NTM: variants seen among roughly 807,000 people sequenced by gnomAD.
NTM encodes the protein IgLON family member 2.
A neutral mutation model predicts 42.1 loss-of-function variants in NTM; 13 were observed. The observed-to-expected ratio is 0.31, with a 90% confidence interval of 0.20 to 0.49. The LOEUF is 0.49. Among genes scored for constraint, NTM ranks in the 20% least tolerant of loss-of-function variants. NTM has a pLI of 0.99. For missense variants in NTM, 373 were observed against 452.8 expected, an observed-to-expected ratio of 0.82 and a Z score of 1.60; for synonymous variants, 187 against 179.2, an observed-to-expected ratio of 1.04 and a Z score of -0.35.
At chr11:131,424,600 C>CTTTCTTTTTTTTTTTTTTTTT (rs1947878678) in intron 1 of NTM, among the ~76,000 whole-genome samples, 2 of 56,052 alleles carry the variant, frequency 3.6e-5, no homozygotes, top group African/African-American at 1.5e-4. Flanking sequence ...CTTTTCTTTT[C>CTTTCTTTTTTTTTTTTTTTTT]TTTTTTTTTT....
chr11:131,394,384 C>G (rs1166575094), intron 1 of NTM, among the ~76,000 whole-genome samples: 2 of 152,162 alleles, frequency 1.3e-5, no homozygotes, highest in East Asian at 3.9e-4. Context: ...TTTTGCCTGT[C>G]TAGGCCCCCT....
intron 4 of NTM, among the ~76,000 whole-genome samples, chr11:132,298,802 A>G (rs897081853): frequency 3.3e-5 from 5 of 152,220 alleles, no homozygotes; most frequent in Admixed American, 6.5e-5. Context: ...ATATACACAT[A>G]TTCAGTTCCA....
Position 132,335,090 on chromosome 11 carries a change from G to T in NTM, c.1012G>T (p.Ala338Ser), listed in dbSNP as rs1361407592. Residue 338 changes from alanine (A) to serine (S), a missense_variant, in exon 9 of 9, where the codon GCA becomes TCA. Transcript: ENST00000683400. ...SEVSNGTSRR[A>S]GCVWLLPLLV... ...GGTGAGCAACGGCACGTCGAGGAGG[G>T]CAGGCTGCGTCTGGCTGCTGCCTCT... is the stretch of plus-strand genomic sequence containing the variant. 6.2e-7 allele frequency: 1 copy of T among 1,612,554 alleles called. No homozygotes were observed. Among genetic ancestry groups the T allele is most frequent in the Non-Finnish European group, 8.5e-7 (1 of 1,179,980 alleles).
chr11:131,377,577 A>T (rs566899873), intron 1 of NTM, among the ~76,000 whole-genome samples: 1 of 152,210 alleles, frequency 6.6e-6, no homozygotes, highest in African/African-American at 2.4e-5. Flanking sequence ...TTGCTATCCA[A>T]TCATCACATC....
At position 131,653,221 on chromosome 11, in the gene NTM, G is replaced by T. The variant is rs148647679; in HGVS notation, c.83-258343G>T. ...CTTTCTTAGGGACCTTTTTTTTGAG[G>T]TTATCTTTTTTTTTTCTTCCTTTGT... is the stretch of plus-strand genomic sequence containing the variant. On this transcript the variant is annotated intron_variant, in intron 1 of 8. Transcript: ENST00000683400. Among the ~76,000 whole-genome samples, 1,064 of 151,832 alleles carry T rather than the reference G, an allele frequency of 7.0e-3. 7 individuals are homozygous for T. The highest frequency in any genetic ancestry group is 0.012 in the Non-Finnish European group (808 of 67,974).
intron 3 of NTM, among the ~76,000 whole-genome samples, chr11:132,178,456 A>G (rs2077123344): frequency 6.6e-6 from 1 of 152,222 alleles, no homozygotes; most frequent in Non-Finnish European, 1.5e-5. Context: ...GGTTTCCATA[A>G]GAGGTATTCT....
At chr11:132,162,779 A>G (rs1365011450) in intron 3 of NTM, among the ~76,000 whole-genome samples, 4 of 42,032 alleles carry the variant, frequency 9.5e-5, no homozygotes, top group African/African-American at 3.6e-4. Flanking sequence ...TGTTTGTGGG[A>G]CCTGTGTGTG....
chr11:131,797,190 G>A (rs2091657749), intron 1 of NTM, among the ~76,000 whole-genome samples: 1 of 152,180 alleles, frequency 6.6e-6, no homozygotes, highest in Non-Finnish European at 1.5e-5. Context: ...AGTGAGGTAT[G>A]TTTTTCGTTG....
chr11:131,829,127 A>G lies in NTM; in HGVS notation c.83-82437A>G, dbSNP rs185810033. Reference sequence around the variant, plus strand: ...CAGTAATGAGAACTTCCAGAGCATCAATTCTCCCTATCATTTCAGAGAAAA... The same window carrying G: ...CAGTAATGAGAACTTCCAGAGCATCGATTCTCCCTATCATTTCAGAGAAAA... On this transcript the variant is annotated intron_variant, in intron 1 of 8. Transcript: ENST00000683400. Among the ~76,000 whole-genome samples the G allele has an allele frequency of 9.0e-4, 136 of 151,940 alleles. 1 individual carries two copies. The highest frequency in any genetic ancestry group is 3.0e-3 in the African/African-American group (123 of 41,392).
chr11:132,204,184 G>A (rs941024413), intron 3 of NTM, among the ~76,000 whole-genome samples: 2 of 152,066 alleles, frequency 1.3e-5, no homozygotes, highest in Non-Finnish European at 2.9e-5. Flanking sequence ...ATAAAATAAA[G>A]GTAATATAGC....
chr11:131,646,101 G>T (rs2065741615), intron 1 of NTM, among the ~76,000 whole-genome samples: 1 of 152,224 alleles, frequency 6.6e-6, no homozygotes, highest in African/African-American at 2.4e-5. Context: ...GGCTTCAAGG[G>T]CAAATACGCA....
At chr11:132,072,060 A>C (rs1280667390) in intron 2 of NTM, among the ~76,000 whole-genome samples, 5 of 152,120 alleles carry the variant, frequency 3.3e-5, no homozygotes, top group African/African-American at 4.8e-5. Flanking sequence ...GTTTCCTACT[A>C]ATAAATCATG....
intron 2 of NTM, among the ~76,000 whole-genome samples, chr11:132,000,015 C>T (rs1362049098): frequency 6.6e-6 from 1 of 152,004 alleles, no homozygotes; most frequent in Non-Finnish European, 1.5e-5. Flanking sequence ...TCCACCTAGC[C>T]TAATCAAATC....
chr11:132,256,238 G>A (rs1292879131), intron 4 of NTM, among the ~76,000 whole-genome samples: 1 of 152,102 alleles, frequency 6.6e-6, no homozygotes, highest in Non-Finnish European at 1.5e-5. Context: ...ATCCCAGTGT[G>A]GTCCTCCCAC....
intron 2 of NTM, among the ~76,000 whole-genome samples, chr11:132,124,245 T>C (rs2065301836): frequency 6.6e-6 from 1 of 152,108 alleles, no homozygotes; most frequent in Non-Finnish European, 1.5e-5. Flanking sequence ...TCCCGGTGTC[T>C]CCTGTCTCCA....
chr11:131,867,449 ATGTGTGTGTG>A, intron 1 of NTM, among the ~76,000 whole-genome samples: 1 of 150,944 alleles, frequency 6.6e-6, no homozygotes, highest in Admixed American at 6.6e-5. Flanking sequence ...CCATATGTGT[ATGTGTGTGTG>A]TGTCTGTGTG....
intron 1 of NTM, among the ~76,000 whole-genome samples, chr11:131,586,323 A>G (rs1246169658): frequency 3.9e-5 from 6 of 152,158 alleles, no homozygotes; most frequent in Non-Finnish European, 4.4e-5. Flanking sequence ...TGCTTATTCT[A>G]TTATTCTTAC....
intron 1 of NTM, among the ~76,000 whole-genome samples, chr11:131,891,664 T>G (rs1371939332): frequency 2.0e-5 from 3 of 152,152 alleles, no homozygotes; most frequent in Non-Finnish European, 4.4e-5. Flanking sequence ...GTGGGAGTTG[T>G]GTCACTGGTC....
rs540265253 is a variant in NTM, at chr11:132,259,659, G to A, written c.526+47512G>A. ...TGCGCCACTGCACTCCAGCCTGGGC[G>A]ACAGAGTGAGACTCCATCTCAAAAA... On this transcript the variant is annotated intron_variant, in intron 4 of 8. Coordinates refer to ENST00000683400, the MANE Select transcript of NTM (RefSeq NM_001352005.2). 2.6e-5 allele frequency among the ~76,000 whole-genome samples: 4 copies of A among 152,128 alleles called. 1 individual carries two copies. The highest frequency in any genetic ancestry group is 3.9e-4 in the East Asian group (2 of 5,124).
Sources: allele counts gnomAD v4.1 joint callset (sites outside exome capture counted in the v4.1 genomes callset), GRCh38; gene constraint gnomAD v4.1.1; transcripts MANE v1.5; gene names NCBI Gene and HGNC (gene_info 2026-07-23, HGNC 2026-07-21).